The following SMUG1 variants were observed in gnomAD, a reference collection of about 807,000 sequenced individuals.
SMUG1 encodes single-strand selective monofunctional uracil DNA glycosylase.
In SMUG1, 13 loss-of-function variants were observed where a neutral mutation model predicts 23.9. The ratio of observed to expected loss-of-function variants is 0.54; its 90% CI spans 0.35 to 0.86. The LOEUF (loss-of-function observed/expected upper bound fraction) is 0.86. Among genes scored for constraint, SMUG1 ranks in the 40% least tolerant of loss-of-function variants. The pLI is 0.01. For missense variants in SMUG1, 313 were observed against 339.5 expected (o/e 0.92, Z 0.61); for synonymous variants, 133 against 139.8 (o/e 0.95, Z 0.34).
At chr12:54,168,825 G>A (rs1480240513) in intron 3 of SMUG1, among the ~76,000 whole-genome samples, 1 of 152,126 alleles carries the variant, frequency 6.6e-6, no homozygotes. Context: ...CCAATCCAAA[G>A]ACAGAGAATC....
chr12:54,186,158 T>C (rs575500593), intron 2 of SMUG1, among the ~76,000 whole-genome samples: 8 of 152,300 alleles, frequency 5.3e-5, no homozygotes, highest in Admixed American at 5.2e-4. Context: ...CAACTAGGAC[T>C]GTTGATTCCC....
Position 54,181,966 on chromosome 12 carries a change from G to T in SMUG1, c.*130C>A, listed in dbSNP as rs1941160407. 7.3e-6 allele frequency: 11 copies of T among 1,499,784 alleles called. No homozygotes were observed. The highest frequency in any genetic ancestry group is 5.7e-5 in the South Asian group (4 of 70,772). The allele number at this position is 1,499,784 out of a possible 1,614,324, so 92.9% of individuals were successfully genotyped here. A position where few individuals can be genotyped will look rare whatever the true frequency, so the allele number is the denominator to read the frequency against. On this transcript the variant is annotated 3_prime_UTR_variant, in exon 4 of 4. Coordinates refer to ENST00000682136, the MANE Select transcript of SMUG1 (RefSeq NM_001243787.2). ...TTGGAAGACAGTTCAACAGATCAAA[G>T]AATACGTTTCCCAGCGACCAGGGTG...
At chr12:54,179,393 C>T (rs1020005350), downstream of SMUG1, among the ~76,000 whole-genome samples, 7 of 152,238 alleles carry the variant, frequency 4.6e-5, no homozygotes, top group East Asian at 1.3e-3. Context: ...CCTGAAATGC[C>T]ACCTCCTCCA....
chr12:54,172,420 A>G, intron 2 of SMUG1: 1 of 217,964 alleles, frequency 4.6e-6, no homozygotes, highest in South Asian at 6.6e-5. Flanking sequence ...CTGCAGCTCC[A>G]TATGTTGGGG....
At chr12:54,159,931 C>T (rs916407147), downstream of SMUG1, among the ~76,000 whole-genome samples, 1 of 152,204 alleles carries the variant, frequency 6.6e-6, no homozygotes, top group Non-Finnish European at 1.5e-5. Context: ...CACAGATGGG[C>T]GTGTTGACCT....
intron 2 of SMUG1, among the ~76,000 whole-genome samples, chr12:54,184,690 T>C (rs1436440035): frequency 6.6e-6 from 1 of 152,214 alleles, no homozygotes; most frequent in African/African-American, 2.4e-5. Context: ...GATGGTTTGA[T>C]CAGCCACCCT....
chr12:54,163,450 TA>T (rs1232209849), downstream of SMUG1, among the ~76,000 whole-genome samples: 1 of 152,240 alleles, frequency 6.6e-6, no homozygotes, highest in African/African-American at 2.4e-5. Flanking sequence ...ATAAAGTGCT[TA>T]GATTAGTGCC....
chr12:54,181,699 T>C lies in SMUG1; in HGVS notation c.*397A>G. 6.4e-7 allele frequency: 1 copy of C among 1,563,720 alleles called. No individual in the cohort carries two copies. The highest frequency in any genetic ancestry group is 8.6e-7 in the Non-Finnish European group (1 of 1,160,556). Reference sequence around the variant, plus strand: ...TAACTGTTCTATAAGGATGGGTAGGTATCCTGGCAAGATATTTCCTCTGAA... The same window carrying C: ...TAACTGTTCTATAAGGATGGGTAGGCATCCTGGCAAGATATTTCCTCTGAA... On this transcript the variant is annotated 3_prime_UTR_variant, in exon 4 of 4. Coordinates refer to ENST00000682136, the MANE Select transcript of SMUG1 (RefSeq NM_001243787.2).
chr12:54,175,735 A>T (rs577369206), downstream of SMUG1, among the ~76,000 whole-genome samples: 1 of 152,304 alleles, frequency 6.6e-6, no homozygotes, highest in African/African-American at 2.4e-5. Flanking sequence ...ACAGTGAACA[A>T]CGTGAGGGTA....
At position 54,182,623 on chromosome 12, in the gene SMUG1, C is replaced by G. The variant is rs1162447057; in HGVS notation, c.286G>C (p.Val96Leu). The G allele has an allele frequency of 6.2e-7, 1 of 1,603,712 alleles. No individual in the cohort carries two copies. Among genetic ancestry groups the G allele is most frequent in the Admixed American group, 1.7e-5 (1 of 58,662 alleles). The change falls in exon 4 of 4, where the codon GTG becomes CTG. Residue 96 changes from valine to leucine, a missense_variant and splice_region_variant. Physicochemically the swap from Val to Leu is conservative, Grantham distance 32. Transcript: ENST00000682136. ...PGPFGMAQTG[V>L]PFGEVSMVRD... ...ACCATGCTTACTTCCCCAAAGGGCA[C>G]CTGTGAGGAAGGAGAGAGACATGAA...
At chr12:54,169,691 G>A (rs1486352312) in intron 3 of SMUG1, among the ~76,000 whole-genome samples, 1 of 152,174 alleles carries the variant, frequency 6.6e-6, no homozygotes, top group African/African-American at 2.4e-5. Context: ...AGTTTCTTGA[G>A]GGCAAAAATT....
intron 3 of SMUG1, among the ~76,000 whole-genome samples, chr12:54,171,498 T>C (rs1401139722): frequency 2.6e-5 from 4 of 151,174 alleles, no homozygotes; most frequent in Non-Finnish European, 3.0e-5. Context: ...GAGACTATCC[T>C]GGCCAACATG....
At chr12:54,183,542 G>T in intron 3 of SMUG1, 114 bp downstream of exon 3, 1 of 1,047,606 alleles carries the variant, frequency 9.5e-7, no homozygotes, top group East Asian at 2.4e-5. Context: ...AGAATGGGGC[G>T]GGAGGACCTA....
downstream of SMUG1, among the ~76,000 whole-genome samples, chr12:54,177,826 G>A (rs1177214050): frequency 1.3e-5 from 2 of 152,132 alleles, no homozygotes; most frequent in African/African-American, 2.4e-5. Flanking sequence ...GCACTCCTAA[G>A]TACCCTAGTT....
intron 2 of SMUG1, among the ~76,000 whole-genome samples, chr12:54,174,074 T>C (rs911733941): frequency 1.3e-5 from 2 of 152,088 alleles, no homozygotes; most frequent in Admixed American, 6.5e-5. Context: ...CCCTACCCCT[T>C]AAAACGGTAC....
chr12:54,160,685 G>GC (rs1278529002), downstream of SMUG1, among the ~76,000 whole-genome samples: 5 of 152,154 alleles, frequency 3.3e-5, no homozygotes, highest in African/African-American at 1.2e-4. Flanking sequence ...CCTGGCCCCT[G>GC]CCCCCCAAGG....
intron 3 of SMUG1, among the ~76,000 whole-genome samples, chr12:54,167,524 C>T (rs1940508309): frequency 6.6e-6 from 1 of 152,184 alleles, no homozygotes; most frequent in Non-Finnish European, 1.5e-5. Flanking sequence ...GCAAAGCCTT[C>T]CCCAGAAGCA....
chr12:54,176,758 G>C (rs542393026), downstream of SMUG1, among the ~76,000 whole-genome samples: 1 of 150,506 alleles, frequency 6.6e-6, no homozygotes, highest in African/African-American at 2.4e-5. Context: ...AGTGAGCCGA[G>C]ATCGCGCCAC....
At position 54,180,903 on chromosome 12, in the gene SMUG1, A is replaced by G. The variant is rs1049755229; in HGVS notation, c.*1193T>C. 6.6e-6 allele frequency: 1 copy of G among 151,514 alleles called. No homozygotes were observed. Among genetic ancestry groups the G allele is most frequent in the Non-Finnish European group, 1.5e-5 (1 of 67,960 alleles). 9.4% of individuals were successfully genotyped at this position (151,514 alleles called of 1,614,324 possible). ...TACAGGAGGCTGAGGCAGGAGAATC[A>G]CTTGAACCGGGAAAGCAGATGTTGC... On this transcript the variant is annotated 3_prime_UTR_variant, in exon 4 of 4. Transcript: ENST00000682136.
Sources: allele counts gnomAD v4.1 joint callset (sites outside exome capture counted in the v4.1 genomes callset), GRCh38; gene constraint gnomAD v4.1.1; transcripts MANE v1.5; gene names NCBI Gene and HGNC (gene_info 2026-07-23, HGNC 2026-07-21).